Variants in ZNF600 observed in about 807,000 individuals in gnomAD.
ZNF600 encodes zinc finger protein 600.
In ZNF600, 4 loss-of-function variants were observed where a neutral mutation model predicts 7.3. The observed-to-expected ratio is 0.55, with a 90% CI of 0.27 to 1.25. The LOEUF is 1.25. Among genes scored for constraint, ZNF600 ranks in the 50% most tolerant of loss-of-function variants. The pLI is 0.12. For missense variants in ZNF600, 911 were observed against 922.1 expected (o/e 0.99, Z 0.16); for synonymous variants, 290 against 308.9 (o/e 0.94, Z 0.64).
chr19:52,774,902 G>A (rs1315568902), intron 2 of ZNF600, among the ~76,000 whole-genome samples: 3 of 151,988 alleles, frequency 2.0e-5, no homozygotes, highest in Non-Finnish European at 4.4e-5. Context: ...AAGTCACTAT[G>A]GAAGTCTCAA....
At chr19:52,809,837 C>CGGT in the ZNF600 span, 8 of 554,004 alleles carry the variant, frequency 1.4e-5, no homozygotes, top group Non-Finnish European at 2.5e-5. Flanking sequence ...GCGGCGGCGG[C>CGGT]GGTGGCGGTG....
the ZNF600 span, among the ~76,000 whole-genome samples, chr19:52,792,939 TGTTTGCCAGGATG>T: frequency 9.9e-5 from 15 of 151,814 alleles, no homozygotes; most frequent in Non-Finnish European, 5.9e-5. Flanking sequence ...GGTTTCACCG[TGTTTGCCAGGATG>T]GTCTCGATCT....
intron 2 of ZNF600, among the ~76,000 whole-genome samples, chr19:52,775,464 C>T (rs561198491): frequency 4.0e-5 from 6 of 151,858 alleles, no homozygotes; most frequent in African/African-American, 9.7e-5. Flanking sequence ...GCAGGAGGAT[C>T]GCATGAATCC....
rs189382567 is a variant in ZNF600 at position 52,782,640 on chromosome 19, G to A, written c.-19-3733C>T. 7.5e-3 allele frequency among the ~76,000 whole-genome samples: 1,143 copies of A among 152,286 alleles called. 12 individuals carry two copies. Among genetic ancestry groups the A allele is most frequent in the Middle Eastern group, 0.017 (5 of 294 alleles). ...TGTAATCCCAACACTTCGGGAGGCC[G>A]AGGCGGGTGGATTACGAGGTCATGA... On this transcript the variant is annotated intron_variant, in intron 1 of 3. Coordinates refer to ENST00000648973, the Ensembl canonical transcript of ZNF600.
At chr19:52,765,890 T>G (rs878967202) in exon 4 of ZNF600, 2 of 1,614,038 alleles carry the variant, frequency 1.2e-6, no homozygotes, top group East Asian at 4.5e-5. Flanking sequence ...AAAGTTGTGA[T>G]TGTTGATTAA....
intron 1 of ZNF600, among the ~76,000 whole-genome samples, chr19:52,782,122 G>A (rs148185903): frequency 5.3e-5 from 8 of 152,186 alleles, no homozygotes; most frequent in East Asian, 1.9e-4. Flanking sequence ...CAGCTACTCC[G>A]GAGGCTGAGG....
chr19:52,809,822 A>AGGCAGCGGCAGCGGC, the ZNF600 span: 7 of 527,354 alleles, frequency 1.3e-5, no homozygotes, highest in Non-Finnish European at 2.3e-5. Context: ...TGAGCGGCGA[A>AGGCAGCGGCAGCGGC]GGCGGCGGCG....
the ZNF600 span, among the ~76,000 whole-genome samples, chr19:52,808,895 ACCTAGAG>A: frequency 2.6e-5 from 4 of 152,096 alleles, no homozygotes; most frequent in South Asian, 8.3e-4. Flanking sequence ...AAATAATAAA[ACCTAGAG>A]ACTCACAAAA....
At chr19:52,825,645 G>A in the ZNF600 span, among the ~76,000 whole-genome samples, 1 of 151,852 alleles carries the variant, frequency 6.6e-6, no homozygotes, top group African/African-American at 2.4e-5. Context: ...CTGTTGACAG[G>A]GTGAGACACC....
At chr19:52,765,755 T>G (rs377675638) in exon 4 of ZNF600, 10 of 1,613,626 alleles carry the variant, frequency 6.2e-6, no homozygotes, top group Admixed American at 1.7e-5. Context: ...AAACCTTACA[T>G]TTGTATGGTT....
the ZNF600 span, among the ~76,000 whole-genome samples, chr19:52,819,329 A>C: frequency 1.4e-5 from 2 of 144,122 alleles, no homozygotes; most frequent in South Asian, 4.7e-4. Flanking sequence ...TGATATTCTA[A>C]TACAGACAAA....
chr19:52,792,957 C>T, the ZNF600 span, among the ~76,000 whole-genome samples: 1 of 151,712 alleles, frequency 6.6e-6, no homozygotes, highest in Non-Finnish European at 1.5e-5. Context: ...AGGATGGTCT[C>T]GATCTCCTGA....
the ZNF600 span, among the ~76,000 whole-genome samples, chr19:52,795,987 C>A: frequency 6.6e-6 from 1 of 152,156 alleles, no homozygotes; most frequent in Middle Eastern, 3.4e-3. Flanking sequence ...CCAGCTTGGG[C>A]AACATGGTGA....
the ZNF600 span, among the ~76,000 whole-genome samples, chr19:52,823,273 G>A: frequency 6.6e-6 from 1 of 152,110 alleles, no homozygotes; most frequent in Non-Finnish European, 1.5e-5. Context: ...GAGTGCAGTG[G>A]TGCAATCTTG....
the ZNF600 span, among the ~76,000 whole-genome samples, chr19:52,812,578 A>G: frequency 7.8e-6 from 1 of 127,438 alleles, no homozygotes; most frequent in Admixed American, 7.9e-5. Context: ...CATGCTCCTT[A>G]AGAGTCATCA....
intron 1 of ZNF600, among the ~76,000 whole-genome samples, chr19:52,783,392 C>A (rs1009526826): frequency 1.3e-5 from 2 of 152,128 alleles, no homozygotes; most frequent in Non-Finnish European, 2.9e-5. Flanking sequence ...GACCGAGTCT[C>A]GCTCTGTCGC....
At chr19:52,785,321 C>T (rs1019195866) in intron 1 of ZNF600, among the ~76,000 whole-genome samples, 3 of 151,630 alleles carry the variant, frequency 2.0e-5, no homozygotes, top group East Asian at 1.9e-4. Context: ...GATCTTGGCT[C>T]TCACCGCAAC....
chr19:52,830,692 G>T, the ZNF600 span, among the ~76,000 whole-genome samples: 215 of 151,784 alleles, frequency 1.4e-3, no homozygotes, highest in African/African-American at 3.4e-3. Flanking sequence ...ACTTACTCAG[G>T]GAGAGTAGTG....
the ZNF600 span, among the ~76,000 whole-genome samples, chr19:52,793,854 G>A: frequency 0.08 from 12,101 of 151,296 alleles, 855 homozygotes; most frequent in Admixed American, 0.2. Flanking sequence ...TCATGTATAC[G>A]TGTAACTTTC....
Sources: gnomAD v4.1 joint callset for allele counts (sites outside exome capture counted in the v4.1 genomes callset) on GRCh38, gnomAD v4.1.1 for gene constraint, MANE v1.5 for transcripts, NCBI Gene and HGNC (gene_info 2026-07-23, HGNC 2026-07-21) for gene names.